EVC2: variants seen among roughly 807,000 people sequenced by gnomAD.
EVC2 encodes EvC ciliary complex subunit 2.
In EVC2, 148 loss-of-function variants were observed where a neutral mutation model predicts 149.3. The observed-to-expected ratio is 0.99, with a 90% CI of 0.87 to 1.14. The LOEUF (loss-of-function observed/expected upper bound fraction) is 1.14. Ranked by LOEUF, EVC2 falls within the 50% of genes most tolerant of loss-of-function variation. The pLI, the probability that EVC2 is intolerant of heterozygous loss-of-function variation, is 0.00. For missense variants in EVC2, 1,854 were observed against 1,627.3 expected (o/e 1.14, Z -2.40); for synonymous variants, 776 against 649.9 (o/e 1.19, Z -2.95).
At chr4:5,632,374 A>T (rs1716611407) in intron 10 of EVC2, among the ~76,000 whole-genome samples, 1 of 152,164 alleles carries the variant, frequency 6.6e-6, no homozygotes, top group Non-Finnish European at 1.5e-5. Context: ...ATAGACACAC[A>T]CACAGTCCCA....
At chr4:5,602,667 CTGTAGGT>C (rs1714079181) in intron 16 of EVC2, among the ~76,000 whole-genome samples, 1 of 152,122 alleles carries the variant, frequency 6.6e-6, no homozygotes, top group Non-Finnish European at 1.5e-5. Context: ...CAAGATTCAA[CTGTAGGT>C]AACATTTACA....
chr4:5,629,038 G>A (rs887814084), intron 11 of EVC2, among the ~76,000 whole-genome samples: 13 of 152,098 alleles, frequency 8.5e-5, no homozygotes, highest in Admixed American at 7.9e-4. Context: ...ATCCATGCAC[G>A]CTCCCTTTCC....
At chr4:5,623,806 C>A (rs1715911198) in intron 13 of EVC2, among the ~76,000 whole-genome samples, 3 of 152,180 alleles carry the variant, frequency 2.0e-5, no homozygotes, top group South Asian at 4.2e-4. Flanking sequence ...TTTACCCTCT[C>A]TGCGCCTCCA....
Position 5,640,555 on chromosome 4 carries a change from T to C in EVC2, c.1429A>G (p.Met477Val), listed in dbSNP as rs1276196151. 6.2e-7 allele frequency: 1 copy of C among 1,614,038 alleles called. No homozygotes were observed. The highest frequency in any genetic ancestry group is 8.5e-7 in the Non-Finnish European group (1 of 1,180,028). ...TTCAGCAACTCTTCTGCTTCCTCCA[T>C]TGCCATCATCTCTCTCTGGTACTGG... is the stretch of plus-strand genomic sequence containing the variant. ...ENQYQREMMA[M>V]EEAEELLKRA... Residue 477 changes from methionine (M) to valine (V), a missense_variant, in exon 10 of 22, where the codon ATG becomes GTG. By Grantham distance (21) the Met-to-Val change is conservative. Transcript: ENST00000344408. The surrounding 1 kb of genome is among the most constrained non-coding windows in gnomAD (Gnocchi z 4.6).
intron 5 of EVC2, 123 bp from the exon 6 acceptor site, chr4:5,685,602 A>G (rs1720651409): frequency 1.3e-6 from 1 of 743,164 alleles, no homozygotes; most frequent in Non-Finnish European, 2.3e-6. Context: ...CCACCATGGC[A>G]GTGATGCCTG....
Position 5,631,978 on chromosome 4 carries a change from G to A in EVC2, c.1525C>T (p.His509Tyr). Residue 509 changes from histidine (H) to tyrosine (Y), a missense_variant, in exon 11 of 22, where the codon CAC becomes TAC. Transcript: ENST00000344408. ...TGCAAAGCGAGAGACTTCCTCAAGT[G>A]CTCCTGTTCCAGGCCATGGAGGGTC... ...LRTLHGLEQE[H>Y]LRKSLALQQE... The A allele has an allele frequency of 6.2e-7, 1 of 1,614,218 alleles. No homozygotes were observed. Among genetic ancestry groups the A allele is most frequent in the East Asian group, 2.2e-5 (1 of 44,874 alleles).
chr4:5,541,381 G>A (rs1721511008), downstream of EVC2, among the ~76,000 whole-genome samples: 1 of 152,222 alleles, frequency 6.6e-6, no homozygotes, highest in African/African-American at 2.4e-5. Context: ...GACGAACACA[G>A]TGAGAGGGAA....
intron 9 of EVC2, among the ~76,000 whole-genome samples, chr4:5,642,161 A>G (rs1717380159): frequency 6.6e-6 from 1 of 152,064 alleles, no homozygotes; most frequent in Non-Finnish European, 1.5e-5. Context: ...CCAATGCCAC[A>G]TTTTCTTTAT....
At position 5,640,988 on chromosome 4, in the gene EVC2, C is replaced by T; in HGVS notation, c.1146-150G>A. ...CTTTCCCCGCTCACTTCTGCTTCAT[C>T]CAGTTATTGAAGGCCATTAGCTGAC... is the stretch of plus-strand genomic sequence containing the variant. On this transcript the variant is annotated intron_variant, in intron 9 of 21. Coordinates refer to ENST00000344408, the MANE Select transcript of EVC2 (RefSeq NM_147127.5). This position sits in a 1 kb window ranked among gnomAD's most constrained non-coding sequence, Gnocchi z 4.6. 1.1e-6 allele frequency: 1 copy of T among 897,438 alleles called. No homozygotes were observed. The highest frequency in any genetic ancestry group is 1.7e-6 in the Non-Finnish European group (1 of 574,346). The allele number at this position is 897,438 out of a possible 1,614,324, so 55.6% of individuals were successfully genotyped here.
Position 5,563,057 on chromosome 4 carries a change from T to G in EVC2, c.3718A>C (p.Ser1240Arg), listed in dbSNP as rs1399603571. 1 of 1,614,178 alleles carries G rather than the reference T, an allele frequency of 6.2e-7. No homozygotes were observed. Among genetic ancestry groups the G allele is most frequent in the Admixed American group, 1.7e-5 (1 of 60,028 alleles). ...GGCTCCAGTGACAGGTGTGGCCAAC[T>G]TCCTTTTCCAGAGAATATCATCCTC... The part of the protein sequence containing the change: ...RERMIFSGKG[S>R]WPHLSLEPIG... The change falls in exon 22 of 22, where the codon AGT becomes CGT. Residue 1240 changes from serine (S) to arginine (R), a missense_variant. Physicochemically the swap from Ser to Arg is moderately radical, Grantham distance 110 (BLOSUM62 -1). Coordinates refer to ENST00000344408, the MANE Select transcript of EVC2 (RefSeq NM_147127.5).
chr4:5,601,521 A>C (rs574554464), intron 16 of EVC2, among the ~76,000 whole-genome samples: 1 of 101,636 alleles, frequency 9.8e-6, no homozygotes, highest in Admixed American at 8.6e-5. Context: ...AAAAAAAAGG[A>C]AAAAAAAAAA....
chr4:5,531,422 C>T, the EVC2 span, among the ~76,000 whole-genome samples: 1 of 152,162 alleles, frequency 6.6e-6, no homozygotes, highest in Non-Finnish European at 1.5e-5. Flanking sequence ...GCCACAAACC[C>T]ATCCGGCCTA....
chr4:5,631,671 G>A, intron 11 of EVC2, 122 bp downstream of exon 11: 2 of 1,350,080 alleles, frequency 1.5e-6, no homozygotes, highest in Non-Finnish European at 2.0e-6. Context: ...CCAAGAGATA[G>A]AAGAGAAAGC....
intron 7 of EVC2, among the ~76,000 whole-genome samples, chr4:5,671,615 G>GA (rs1719655922): frequency 6.6e-6 from 1 of 152,148 alleles, no homozygotes; most frequent in Non-Finnish European, 1.5e-5. Context: ...GGGTTCAAGC[G>GA]ATTCTCCTGC....
chr4:5,655,832 G>C (rs934630956), intron 9 of EVC2, among the ~76,000 whole-genome samples: 3 of 152,038 alleles, frequency 2.0e-5, no homozygotes, highest in African/African-American at 7.2e-5. Context: ...CTTAGAACTT[G>C]GAAGGGAAAG....
chr4:5,563,568 T>C (rs991646054), intron 21 of EVC2, among the ~76,000 whole-genome samples: 2 of 152,238 alleles, frequency 1.3e-5, no homozygotes, highest in African/African-American at 4.8e-5. Context: ...TCTTGGTCTC[T>C]TGACTTCATG....
In EVC2 at chr4:5,708,465, C is replaced by T; in HGVS notation, c.49G>A (p.Gly17Ser). 6.6e-7 allele frequency: 1 copy of T among 1,505,068 alleles called. No homozygotes were observed. The highest frequency in any genetic ancestry group is 1.2e-5 in the South Asian group (1 of 81,032). The allele number at this position is 1,505,068 out of a possible 1,614,324, so 93.2% of individuals were successfully genotyped here. A position where few individuals can be genotyped will look rare whatever the true frequency, so the allele number is the denominator to read the frequency against. ...RGRPTWVLAG[G>S]LLAVALALGG... ...AGCGCCAGGGCCACTGCCAGGAGACCCCCGGCCAGCACCCACGTGGGGCGC... is the reference window on the plus strand; with the variant it reads ...AGCGCCAGGGCCACTGCCAGGAGACTCCCGGCCAGCACCCACGTGGGGCGC... The change falls in exon 1 of 22, where the codon GGT becomes AGT. Residue 17 changes from glycine to serine, a missense_variant. Transcript: ENST00000344408.
chr4:5,688,293 G>A (rs1284220826), intron 5 of EVC2, among the ~76,000 whole-genome samples: 2 of 152,134 alleles, frequency 1.3e-5, no homozygotes, highest in African/African-American at 2.4e-5. Flanking sequence ...CCGTGAGTAC[G>A]GAGGCATGGA....
chr4:5,685,306 C>T, intron 6 of EVC2, 64 bp downstream of exon 6: 1 of 1,476,194 alleles, frequency 6.8e-7, no homozygotes, highest in South Asian at 1.1e-5. Flanking sequence ...CTGAAGTGTC[C>T]CTATTTCTAA....
Sources: allele counts gnomAD v4.1 joint callset (sites outside exome capture counted in the v4.1 genomes callset), GRCh38; gene constraint gnomAD v4.1.1; non-coding constraint Gnocchi (gnomAD v3.1); transcripts MANE v1.5; gene names NCBI Gene and HGNC (gene_info 2026-07-23, HGNC 2026-07-21).